The following DENND1B variants were observed in gnomAD, a reference collection of about 807,000 sequenced individuals.
DENND1B encodes the protein DENN domain-containing protein 1B.
A neutral mutation model predicts 90.1 loss-of-function variants in DENND1B; 59 were observed. The ratio of observed to expected loss-of-function variants is 0.65; its 90% CI spans 0.53 to 0.81. The LOEUF (loss-of-function observed/expected upper bound fraction) is 0.81. Ranked by LOEUF, DENND1B falls within the 40% of genes least tolerant of loss-of-function variation. DENND1B has a pLI of 0.00. For synonymous variants in DENND1B, 337 were observed against 324.6 expected (o/e 1.04, Z -0.41); for missense variants, 862 against 912.6 (o/e 0.94, Z 0.71).
intron 2 of DENND1B, among the ~76,000 whole-genome samples, chr1:197,756,053 T>G (rs538108777): frequency 5.3e-5 from 8 of 152,196 alleles, no homozygotes; most frequent in Non-Finnish European, 1.2e-4. Flanking sequence ...ATATACACAA[T>G]GTATAGTAAA....
chr1:197,622,648 C>T (rs1678277230), intron 10 of DENND1B, among the ~76,000 whole-genome samples: 1 of 151,346 alleles, frequency 6.6e-6, no homozygotes, highest in Admixed American at 6.6e-5. Flanking sequence ...ACTGTAACTA[C>T]AGCAGGTAAC....
At chr1:197,515,088 T>C (rs1388264098) in intron 20 of DENND1B, among the ~76,000 whole-genome samples, 1 of 151,660 alleles carries the variant, frequency 6.6e-6, no homozygotes, top group African/African-American at 2.4e-5. Flanking sequence ...AATTGTCTTC[T>C]TTTATTGCAG....
chr1:197,704,396 A>G (rs569684946), intron 3 of DENND1B, among the ~76,000 whole-genome samples: 4 of 152,208 alleles, frequency 2.6e-5, no homozygotes, highest in African/African-American at 9.6e-5. Context: ...CTACCAAACT[A>G]ATTTCCTCGC....
chr1:197,734,986 G>A (rs1662506860), intron 2 of DENND1B: 1 of 985,582 alleles, frequency 1.0e-6, no homozygotes, highest in Non-Finnish European at 1.2e-6. Context: ...GAACACAGTG[G>A]ATAAGTAAGA....
chr1:197,529,483 C>T (rs1371731100), intron 20 of DENND1B, among the ~76,000 whole-genome samples: 1 of 151,408 alleles, frequency 6.6e-6, no homozygotes, highest in East Asian at 1.9e-4. Flanking sequence ...GTGATTTTGC[C>T]TTGCTTAGGG....
intron 7 of DENND1B, among the ~76,000 whole-genome samples, chr1:197,647,364 C>T (rs929374961): frequency 4.6e-5 from 7 of 151,106 alleles, no homozygotes; most frequent in African/African-American, 1.7e-4. Flanking sequence ...TGAAATGTTT[C>T]AAAAAAAAGC....
intron 13 of DENND1B, among the ~76,000 whole-genome samples, chr1:197,604,446 A>T (rs774770060): frequency 1.3e-4 from 20 of 151,260 alleles, no homozygotes; most frequent in Non-Finnish European, 2.4e-4. Context: ...GAAGCCATTA[A>T]GAAGATTACA....
intron 2 of DENND1B, among the ~76,000 whole-genome samples, chr1:197,754,511 A>G (rs1653996011): frequency 6.6e-6 from 1 of 152,026 alleles, no homozygotes; most frequent in African/African-American, 2.4e-5. Context: ...GTGAAAAATC[A>G]GCCAGATGTG....
At chr1:197,685,792 C>A (rs1348877094) in intron 3 of DENND1B, 1 of 151,818 alleles carries the variant, frequency 6.6e-6, no homozygotes, top group African/African-American at 2.4e-5. Flanking sequence ...TTGAGTGTTT[C>A]TTGAAATTCC....
chr1:197,742,690 A>G (rs1366435253), intron 2 of DENND1B, among the ~76,000 whole-genome samples: 5 of 152,234 alleles, frequency 3.3e-5, no homozygotes, highest in African/African-American at 1.2e-4. Context: ...TCAGAACTGT[A>G]GCACACAAAA....
chr1:197,754,724 T>C (rs566569322), intron 2 of DENND1B, among the ~76,000 whole-genome samples: 8 of 145,060 alleles, frequency 5.5e-5, no homozygotes, highest in African/African-American at 2.1e-4. Context: ...CATGAGAAGA[T>C]GTTCATAACA....
chr1:197,546,599 T>G (rs1051457354), intron 17 of DENND1B, 134 bp downstream of exon 17: 1 of 814,710 alleles, frequency 1.2e-6, no homozygotes. Context: ...AATAAGAATA[T>G]TTAAAATGTG....
At chr1:197,581,789 C>T (rs1183301414) in intron 15 of DENND1B, among the ~76,000 whole-genome samples, 1 of 152,162 alleles carries the variant, frequency 6.6e-6, no homozygotes, top group East Asian at 1.9e-4. Flanking sequence ...CCTACCCATT[C>T]AATCCCTAAC....
chr1:197,603,822 C>G (rs866112242), intron 13 of DENND1B, among the ~76,000 whole-genome samples: 2 of 151,134 alleles, frequency 1.3e-5, no homozygotes, highest in Middle Eastern at 3.2e-3. Context: ...GCAATTAAAA[C>G]TAAATTCTAT....
intron 14 of DENND1B, among the ~76,000 whole-genome samples, chr1:197,586,996 G>A (rs1326628874): frequency 2.0e-5 from 3 of 152,116 alleles, no homozygotes; most frequent in South Asian, 2.1e-4. Context: ...TTCACAAAAC[G>A]GCAACAACAA....
intron 3 of DENND1B, among the ~76,000 whole-genome samples, chr1:197,686,849 C>T (rs1046282042): frequency 3.3e-5 from 5 of 151,944 alleles, no homozygotes; most frequent in African/African-American, 1.2e-4. Flanking sequence ...GGGGAATCTA[C>T]TCTCACTGCT....
chr1:197,734,365 T>A, intron 2 of DENND1B: 1 of 978,956 alleles, frequency 1.0e-6, no homozygotes. Flanking sequence ...AAGTTATGGT[T>A]GAGTTCATGA....
intron 15 of DENND1B, among the ~76,000 whole-genome samples, chr1:197,562,087 C>G (rs1672215562): frequency 6.6e-6 from 1 of 151,874 alleles, no homozygotes; most frequent in Non-Finnish European, 1.5e-5. Flanking sequence ...TGGTAGTCCC[C>G]ATTTAACATA....
chr1:197,731,662 T>A (rs1008186659), intron 2 of DENND1B, among the ~76,000 whole-genome samples: 2 of 152,086 alleles, frequency 1.3e-5, no homozygotes, highest in Non-Finnish European at 2.9e-5. Context: ...AGAAGGAGAA[T>A]CATCTCAGGC....
Sources: gnomAD v4.1 joint callset for allele counts (sites outside exome capture counted in the v4.1 genomes callset) on GRCh38, gnomAD v4.1.1 for gene constraint, MANE v1.5 for transcripts, NCBI Gene and HGNC (gene_info 2026-07-23, HGNC 2026-07-21) for gene names.